SPOCK3: variants seen among roughly 807,000 people sequenced by gnomAD.
The protein encoded by SPOCK3 is SPARC (osteonectin), cwcv and kazal like domains proteoglycan 3.
SPOCK3 carries 30 observed loss-of-function variants against 56.6 expected under a neutral mutation model. The ratio of observed to expected loss-of-function variants is 0.53; its 90% confidence interval spans 0.40 to 0.72. SPOCK3 has a LOEUF of 0.72. SPOCK3 is among the 30% of genes least tolerant of loss of function. SPOCK3 has a pLI of 0.00. For missense variants in SPOCK3, 527 were observed against 530.0 expected, an observed-to-expected ratio of 0.99 and a Z score of 0.06; for synonymous variants, 196 against 183.3, an observed-to-expected ratio of 1.07 and a Z score of -0.56.
intron 8 of SPOCK3, among the ~76,000 whole-genome samples, chr4:166,749,330 CTTTGTAGGGACATGGATGAA>C: frequency 9.3e-6 from 1 of 107,860 alleles, no homozygotes; most frequent in South Asian, 2.9e-4. Context: ...AGTTCATGTC[CTTTGTAGGGACATGGATGAA>C]GCTGGAAACT....
At chr4:167,205,570 T>TA (rs1734223718) in intron 2 of SPOCK3, among the ~76,000 whole-genome samples, 1 of 87,926 alleles carries the variant, frequency 1.1e-5, no homozygotes, top group Non-Finnish European at 2.1e-5. Context: ...ATATATTATA[T>TA]ATATAATATA....
chr4:167,148,055 G>C (rs1764119870), intron 2 of SPOCK3, among the ~76,000 whole-genome samples: 1 of 152,090 alleles, frequency 6.6e-6, no homozygotes, highest in African/African-American at 2.4e-5. Context: ...GCAGTTCACT[G>C]GTGATTTTGA....
intron 6 of SPOCK3, among the ~76,000 whole-genome samples, chr4:166,842,019 C>T (rs181671317): frequency 2.0e-5 from 3 of 152,252 alleles, no homozygotes; most frequent in Admixed American, 6.5e-5. Context: ...AGCTGCAGAC[C>T]TTCTCAGTCA....
chr4:167,030,083 T>TTCTATCTATCTATTTATCTA (rs367559347), intron 3 of SPOCK3, among the ~76,000 whole-genome samples: 1,911 of 141,466 alleles, frequency 0.014, 51 homozygotes, highest in African/African-American at 0.051. Context: ...TAATGGCTCA[T>TTCTATCTATCTATTTATCTA]TCTATCTATC....
At chr4:166,841,896 A>T (rs1309099243) in intron 6 of SPOCK3, among the ~76,000 whole-genome samples, 2 of 152,142 alleles carry the variant, frequency 1.3e-5, no homozygotes, top group Admixed American at 1.3e-4. Flanking sequence ...CCTTGCGATG[A>T]GTGTTACAGT....
chr4:167,202,674 G>A (rs1038839036), intron 2 of SPOCK3, among the ~76,000 whole-genome samples: 2 of 151,700 alleles, frequency 1.3e-5, no homozygotes, highest in Admixed American at 6.6e-5. Context: ...AGATATGACT[G>A]CATCACCTTC....
chr4:166,822,324 A>C (rs932901781), intron 6 of SPOCK3, among the ~76,000 whole-genome samples: 4 of 151,570 alleles, frequency 2.6e-5, no homozygotes, highest in African/African-American at 9.6e-5. Context: ...CTCTCTGAAA[A>C]TGTGGATCAG....
chr4:166,889,812 C>T (rs1259498896), intron 5 of SPOCK3, among the ~76,000 whole-genome samples: 1 of 151,868 alleles, frequency 6.6e-6, no homozygotes, highest in Non-Finnish European at 1.5e-5. Flanking sequence ...TCTATAGTTA[C>T]TTGTGATTTT....
chr4:166,820,242 GTA>G (rs1269642036), intron 6 of SPOCK3, among the ~76,000 whole-genome samples: 4 of 152,016 alleles, frequency 2.6e-5, no homozygotes, highest in Non-Finnish European at 5.9e-5. Context: ...ATGACACAAT[GTA>G]TATGTTAGTA....
chr4:166,785,761 C>T (rs1241946318), intron 7 of SPOCK3, among the ~76,000 whole-genome samples: 1 of 152,130 alleles, frequency 6.6e-6, no homozygotes, highest in Admixed American at 6.6e-5. Context: ...ATTCTGCTAT[C>T]ATCAGAATCT....
chr4:166,776,833 A>C (rs1421659205), intron 7 of SPOCK3, among the ~76,000 whole-genome samples: 2 of 152,238 alleles, frequency 1.3e-5, no homozygotes, highest in Non-Finnish European at 2.9e-5. Flanking sequence ...CTTATGGAAT[A>C]CATTAACATA....
intron 6 of SPOCK3, among the ~76,000 whole-genome samples, chr4:166,881,784 G>T (rs1221782274): frequency 1.3e-5 from 2 of 152,052 alleles, no homozygotes; most frequent in African/African-American, 4.8e-5. Context: ...CAGAATGTGT[G>T]ATGCTAAACT....
At chr4:167,009,486 G>A (rs1235082970) in intron 3 of SPOCK3, among the ~76,000 whole-genome samples, 1 of 151,926 alleles carries the variant, frequency 6.6e-6, no homozygotes, top group African/African-American at 2.4e-5. Flanking sequence ...TTACTTTCAC[G>A]GTGTAAAAAA....
At chr4:166,737,809 T>A (rs1333235952) in intron 9 of SPOCK3, among the ~76,000 whole-genome samples, 1 of 152,188 alleles carries the variant, frequency 6.6e-6, no homozygotes, top group Non-Finnish European at 1.5e-5. Context: ...ATTGCCACAA[T>A]GAACTGCTTA....
intron 2 of SPOCK3, among the ~76,000 whole-genome samples, chr4:167,116,435 A>AAT (rs1376974729): frequency 4.8e-5 from 7 of 145,806 alleles, no homozygotes; most frequent in African/African-American, 1.2e-4. Flanking sequence ...ACACTTTTGT[A>AAT]ATATATATAT....
Position 166,998,820 on chromosome 4 carries a change from T to A in SPOCK3, c.350+1529A>T, listed in dbSNP as rs1292860327. Among the ~76,000 whole-genome samples, 5 of 152,270 alleles carry A rather than the reference T, an allele frequency of 3.3e-5. No homozygotes were observed. In the East Asian group the frequency reaches 9.7e-4, roughly 29 times the overall value. On this transcript the variant is annotated intron_variant, in intron 4 of 10. Transcript: ENST00000357545. ...ACTGACTTAGTCTCTGTAACTTAGG[T>A]GAGAGATCATATATGAATCCCTTTT...
At chr4:167,134,015 C>CCTTTTT (rs1236885264) in intron 2 of SPOCK3, among the ~76,000 whole-genome samples, 4 of 148,038 alleles carry the variant, frequency 2.7e-5, no homozygotes, top group Admixed American at 6.8e-5. Flanking sequence ...AACTTTTACA[C>CCTTTTT]CTTTTTCTTT....
At chr4:167,151,563 T>G (rs1282629873) in intron 2 of SPOCK3, among the ~76,000 whole-genome samples, 1 of 150,922 alleles carries the variant, frequency 6.6e-6, no homozygotes. Flanking sequence ...GCCTCAGGAG[T>G]AGGTGGGACT....
At chr4:167,022,040 T>C (rs1012675256) in intron 3 of SPOCK3, among the ~76,000 whole-genome samples, 8 of 152,080 alleles carry the variant, frequency 5.3e-5, no homozygotes, top group African/African-American at 1.9e-4. Flanking sequence ...ATGTGTCACG[T>C]TGGTAAAGTT....
Sources: allele counts gnomAD v4.1 joint callset (sites outside exome capture counted in the v4.1 genomes callset), GRCh38; gene constraint gnomAD v4.1.1; transcripts MANE v1.5; gene names NCBI Gene and HGNC (gene_info 2026-07-23, HGNC 2026-07-21).